Variants in SYNE1 observed in about 807,000 individuals in gnomAD.
SYNE1 encodes the protein spectrin repeat containing nuclear envelope protein 1.
SYNE1 carries 616 observed loss-of-function variants against 1,111.0 expected under a neutral mutation model. The observed-to-expected ratio is 0.55, with a 90% CI of 0.52 to 0.59. The LOEUF (loss-of-function observed/expected upper bound fraction) is 0.59. SYNE1 is among the 20% of genes least tolerant of loss of function. The probability of loss-of-function intolerance (pLI) is 0.00; values close to 1 mark genes in which losing one functional copy is unlikely to be tolerated. For synonymous variants in SYNE1, 3,855 were observed against 3,825.8 expected (o/e 1.01, Z -0.28); for missense variants, 10,006 against 10,417.0 (o/e 0.96, Z 1.72).
chr6:152,525,162 T>C (rs2099157931), intron 5 of SYNE1, among the ~76,000 whole-genome samples: 1 of 152,176 alleles, frequency 6.6e-6, no homozygotes, highest in Non-Finnish European at 1.5e-5. Context: ...GTTTATGTTT[T>C]TCAACAAACA....
rs886061206 is a variant in SYNE1 at position 152,369,033 on chromosome 6, C to G, written c.9746G>C (p.Ser3249Thr). Residue 3249 changes from serine (S) to threonine (T), a missense_variant, in exon 61 of 146, where the codon AGC becomes ACC. Physicochemically the swap from Ser to Thr is moderately conservative, Grantham distance 58 (BLOSUM62 1). This residue lies in a region of SYNE1 where 4,955 missense variants were observed against 5,017.2 expected (regional missense o/e 0.99). Transcript: ENST00000367255. The stretch of plus-strand genomic sequence containing the variant: ...CAGCTGCGACACTCTGTGCCTAAAG[C>G]TCTTGCTGGCAGCTTGTCCTTCCCA... ...QLWEGQAASK[S>T]FRHRVSQLSS... 6 of 1,614,222 alleles carry G rather than the reference C, an allele frequency of 3.7e-6. No individual in the cohort carries two copies. The highest frequency in any genetic ancestry group is 4.2e-6 in the Non-Finnish European group (5 of 1,180,046).
Position 152,148,049 on chromosome 6 carries a change from T to G in SYNE1, c.24972A>C (p.Leu8324Phe), listed in dbSNP as rs1554420700. ...KDFYLRGAVG[L>F]SGDHSALESQ... ...ACTGGAGAGGCTCTTTCCTACCTGA[T>G]AAGCCAACAGCTCCCCGGAGGTAGA... Residue 8324 changes from leucine to phenylalanine, a missense_variant, in exon 137 of 146, where the codon TTA becomes TTC. By Grantham distance (22) the Leu-to-Phe change is conservative. Transcript: ENST00000367255. The surrounding 1 kb of genome is among the most constrained non-coding windows in gnomAD (Gnocchi z 4.1). The G allele has an allele frequency of 6.2e-7, 1 of 1,613,864 alleles. No homozygotes were observed. The highest frequency in any genetic ancestry group is 8.5e-7 in the Non-Finnish European group (1 of 1,179,948).
Position 152,151,698 on chromosome 6 carries a change from G to A in SYNE1, c.24313-8C>T, listed in dbSNP as rs201008999. On this transcript the variant is annotated splice_region_variant and splice_polypyrimidine_tract_variant and intron_variant, in intron 134 of 145. Transcript: ENST00000367255. ...ACGCTGGCCAATAAAATGCTGGAAG[G>A]CAAGAGGAAAGTAGTAACAATTATT... 7 of 1,613,648 alleles carry A rather than the reference G, an allele frequency of 4.3e-6. No homozygotes were observed. The East Asian group carries it at 1.6e-4, about 36-fold the overall frequency.
Position 152,244,614 on chromosome 6 carries a change from C to T in SYNE1, c.19615G>A (p.Gly6539Arg), listed in dbSNP as rs1283541907. 7.4e-6 allele frequency: 12 copies of T among 1,614,004 alleles called. No individual in the cohort carries two copies. The highest frequency in any genetic ancestry group is 1.0e-5 in the Non-Finnish European group (12 of 1,179,926). ...CCACGCCTCTTTAATTCAATGATTCCTGCATCAAATTCTTTGAGTCCATCT... is the reference window on the plus strand; with the variant it reads ...CCACGCCTCTTTAATTCAATGATTCTTGCATCAAATTCTTTGAGTCCATCT... ...AEDGLKEFDA[G>R]IIELKRRGDK... is the part of the protein sequence containing the mutation. Residue 6539 changes from glycine (G) to arginine (R), a missense_variant, in exon 106 of 146, where the codon GGA becomes AGA. Physicochemically the swap from Gly to Arg is moderately radical, Grantham distance 125 (BLOSUM62 -2). This residue lies in a region of SYNE1 where 2,182 missense variants were observed against 2,287.8 expected (regional missense o/e 0.95). Transcript: ENST00000367255.
rs1409134964 is a variant in SYNE1 at position 152,419,744 on chromosome 6, G to A, written c.5268-22C>T. On this transcript the variant is annotated intron_variant, in intron 39 of 145. Transcript: ENST00000367255. Reference sequence around the variant, plus strand: ...AATCCTATGTAGACAAAGTATTAAAGTTAAAATGTCCCATAAGTAAACAGA... The same window carrying A: ...AATCCTATGTAGACAAAGTATTAAAATTAAAATGTCCCATAAGTAAACAGA... 4.3e-6 allele frequency: 7 copies of A among 1,612,746 alleles called. No homozygotes were observed. In the South Asian group the frequency reaches 7.7e-5, roughly 18 times the overall value.
intron 75 of SYNE1, among the ~76,000 whole-genome samples, chr6:152,338,399 A>G (rs1413386821): frequency 6.6e-6 from 1 of 151,946 alleles, no homozygotes; most frequent in Non-Finnish European, 1.5e-5. Context: ...AGGAGGGAGG[A>G]TTGCTTGAGC....
At chr6:152,246,228 A>G (rs2087092797) in intron 105 of SYNE1, among the ~76,000 whole-genome samples, 1 of 152,186 alleles carries the variant, frequency 6.6e-6, no homozygotes, top group Admixed American at 6.5e-5. Context: ...AATAGGCAAC[A>G]AAAGATTTCA....
chr6:152,451,303 A>T (rs551940869), intron 25 of SYNE1, 98 bp from the exon 26 acceptor site: 16 of 1,299,058 alleles, frequency 1.2e-5, no homozygotes, highest in Non-Finnish European at 1.7e-5. Context: ...ACCATAACAT[A>T]TTCCTTTTAG....
chr6:152,409,775 A>T, intron 42 of SYNE1, 66 bp from the exon 43 acceptor site: 7 of 1,544,096 alleles, frequency 4.5e-6, no homozygotes, highest in Non-Finnish European at 6.2e-6. Context: ...GTTGCCTGCA[A>T]TTGGACTTGA....
intron 47 of SYNE1, 144 bp downstream of exon 47, chr6:152,400,994 G>A: frequency 2.7e-6 from 2 of 734,744 alleles, no homozygotes; most frequent in South Asian, 3.4e-5. Context: ...TGCTTACTTT[G>A]CTGTGTTCAA....
intron 4 of SYNE1, among the ~76,000 whole-genome samples, chr6:152,532,443 G>A (rs1409742482): frequency 6.6e-6 from 1 of 151,996 alleles, no homozygotes; most frequent in African/African-American, 2.4e-5. Context: ...ATATCCTATG[G>A]CTTAATATTT....
chr6:152,318,956 C>A lies in SYNE1; in HGVS notation c.16296G>T (p.Arg5432=). ...QSKATSQELS[R]QIQKLAKDLT... is the part of the protein sequence containing the mutation. ...GGTCTTTAGCTAACTTCTGAATTTG[C>A]CGGCTGAGTTCCTGGCTCGTGGCCT... Residue 5432 remains arginine, a synonymous_variant, in exon 85 of 146, where the codon CGG becomes CGT. Transcript: ENST00000367255. The A allele has an allele frequency of 6.2e-7, 1 of 1,614,148 alleles. No individual in the cohort carries two copies. Among genetic ancestry groups the A allele is most frequent in the South Asian group, 1.1e-5 (1 of 91,068 alleles).
chr6:152,453,791 C>T (rs1417657002), intron 24 of SYNE1, 71 bp from the exon 25 acceptor site: 33 of 1,599,238 alleles, frequency 2.1e-5, no homozygotes, highest in Non-Finnish European at 2.7e-5. Context: ...CAATCAGCCT[C>T]TAAGCCTCCA....
chr6:152,413,398 G>C lies in SYNE1; in HGVS notation c.6184C>G (p.Arg2062Gly). Residue 2062 changes from arginine (R) to glycine (G), a missense_variant, in exon 42 of 146, where the codon CGC becomes GGC. By Grantham distance (125) the Arg-to-Gly change is moderately radical (BLOSUM62 -2). This residue lies in a region of SYNE1 where 4,955 missense variants were observed against 5,017.2 expected (regional missense o/e 0.99). Transcript: ENST00000367255. ...GTATCATCCCAGGTGACCTCTAAGC[G>C]GTTTATCTCCCTGTCAACTTCAGGT... ...FAPEVDREIN[R>G]LEVTWDDTKR... 5 of 1,614,044 alleles carry C rather than the reference G, an allele frequency of 3.1e-6. No individual in the cohort carries two copies. Among genetic ancestry groups the C allele is most frequent in the Non-Finnish European group, 4.2e-6 (5 of 1,179,998 alleles).
chr6:152,496,088 C>G (rs985513110), intron 11 of SYNE1, among the ~76,000 whole-genome samples: 2 of 152,110 alleles, frequency 1.3e-5, no homozygotes, highest in Non-Finnish European at 2.9e-5. Flanking sequence ...TGTCTACCTG[C>G]TAATAGGACA....
chr6:152,295,244 G>A (rs1224308351), intron 93 of SYNE1, among the ~76,000 whole-genome samples: 1 of 152,194 alleles, frequency 6.6e-6, no homozygotes, highest in African/African-American at 2.4e-5. Context: ...GAGTGACTAT[G>A]ACAGCTTCTA....
intron 49 of SYNE1, among the ~76,000 whole-genome samples, chr6:152,397,608 A>G (rs1020989673): frequency 2.0e-5 from 3 of 152,082 alleles, no homozygotes; most frequent in Non-Finnish European, 4.4e-5. Context: ...CTTTACTATA[A>G]CGATCTTTCT....
intron 97 of SYNE1, among the ~76,000 whole-genome samples, chr6:152,278,586 C>G (rs1032727750): frequency 2.0e-5 from 3 of 152,142 alleles, no homozygotes; most frequent in Admixed American, 2.0e-4. Flanking sequence ...CCTCAGCCTC[C>G]CGAGCAGCTG....
At chr6:152,529,147 A>G (rs1313182573) in intron 4 of SYNE1, among the ~76,000 whole-genome samples, 2 of 152,050 alleles carry the variant, frequency 1.3e-5, no homozygotes, top group African/African-American at 2.4e-5. Flanking sequence ...TTCTCTTCCT[A>G]TTTTATTATC....
Sources: allele counts gnomAD v4.1 joint callset (sites outside exome capture counted in the v4.1 genomes callset), GRCh38; gene constraint gnomAD v4.1.1; regional missense constraint gnomAD v4.1.1; non-coding constraint Gnocchi (gnomAD v3.1); transcripts MANE v1.5; gene names NCBI Gene and HGNC (gene_info 2026-07-23, HGNC 2026-07-21).